HTR2C: variants seen among roughly 807,000 people sequenced by gnomAD.
The protein encoded by HTR2C is 5-hydroxytryptamine receptor 2C.
A neutral mutation model predicts 21.0 loss-of-function variants in HTR2C; 5 were observed. That is an observed-to-expected ratio of 0.24 (90% CI 0.12 to 0.50). The LOEUF (loss-of-function observed/expected upper bound fraction) is 0.50. Among genes scored for constraint, HTR2C ranks in the 20% least tolerant of loss-of-function variants. The pLI is 0.98. For synonymous variants in HTR2C, 150 were observed against 145.3 expected (o/e 1.03, Z -0.23); for missense variants, 271 against 371.2 (o/e 0.73, Z 2.22).
chrX:114,826,057 T>C (rs1377315097), intron 4 of HTR2C, among the ~76,000 whole-genome samples: 5 of 102,428 alleles, frequency 4.9e-5, no homozygotes, highest in African/African-American at 1.8e-4. Flanking sequence ...AAATCTGAAA[T>C]CTGAAATAAT....
intron 4 of HTR2C, among the ~76,000 whole-genome samples, chrX:114,791,916 A>G (rs1200513333): frequency 9.0e-6 from 1 of 111,220 alleles, no homozygotes; most frequent in Non-Finnish European, 1.9e-5. Context: ...TTAGATGGCC[A>G]TTTTCATTCA....
intron 2 of HTR2C, among the ~76,000 whole-genome samples, chrX:114,679,982 A>T (rs1931692604): frequency 9.0e-6 from 1 of 111,488 alleles, no homozygotes; most frequent in East Asian, 2.8e-4. Context: ...TCTGCATATT[A>T]CAAACTATAC....
At chrX:114,743,274 T>G (rs2069669819) in intron 4 of HTR2C, among the ~76,000 whole-genome samples, 1 of 108,318 alleles carries the variant, frequency 9.2e-6, no homozygotes, top group East Asian at 2.9e-4. Context: ...CAAATGGTAT[T>G]TCTAGTTCTA....
chrX:114,640,102 CAT>C (rs1484772887), intron 2 of HTR2C, among the ~76,000 whole-genome samples: 1 of 111,251 alleles, frequency 9.0e-6, no homozygotes, highest in Non-Finnish European at 1.9e-5. Flanking sequence ...TTGTTCGACA[CAT>C]ATTTATATAA....
intron 4 of HTR2C, among the ~76,000 whole-genome samples, chrX:114,822,091 C>T (rs781942415): frequency 9.0e-6 from 1 of 110,633 alleles, no homozygotes; most frequent in Non-Finnish European, 1.9e-5. Flanking sequence ...AGGTGATCCA[C>T]CCACTTTGGC....
At chrX:114,657,235 A>G (rs1037765847) in intron 2 of HTR2C, among the ~76,000 whole-genome samples, 10 of 111,066 alleles carry the variant, frequency 9.0e-5, no homozygotes, top group Non-Finnish European at 1.9e-4. Flanking sequence ...TTCCAAAATA[A>G]TGATGAAATG....
rs1927309460 is a variant in HTR2C at position 114,584,582 on chromosome X, G to C, written c.-224G>C. 1 of 113,005 alleles carries C rather than the reference G, an allele frequency of 8.8e-6. No homozygotes were observed. Among genetic ancestry groups the C allele is most frequent in the Non-Finnish European group, 1.9e-5 (1 of 53,322 alleles). The allele number at this position is 113,005 out of a possible 1,213,427, so 9.3% of individuals were successfully genotyped here. A position where few individuals can be genotyped will look rare whatever the true frequency, so the allele number is the denominator to read the frequency against. On this transcript the variant is annotated 5_prime_UTR_variant, in exon 1 of 6. Transcript: ENST00000276198. ...CACCGACTGCCGCGGGCTCCGCTGG[G>C]CGATTGCAGCCGAGTCCGTTTCTCG...
chrX:114,818,783 G>A (rs1467029828), intron 4 of HTR2C, among the ~76,000 whole-genome samples: 1 of 111,959 alleles, frequency 8.9e-6, no homozygotes, highest in East Asian at 2.8e-4. Flanking sequence ...GAGTTGAGTA[G>A]TTGCAATGAA....
At chrX:114,763,472 A>G (rs1165203587) in intron 4 of HTR2C, among the ~76,000 whole-genome samples, 1 of 111,838 alleles carries the variant, frequency 8.9e-6, no homozygotes, top group Non-Finnish European at 1.9e-5. Context: ...TTGAAAAAGC[A>G]ATACTTGTCC....
Position 114,701,664 on chromosome X carries a change from C to T in HTR2C, c.-79-25194C>T, listed in dbSNP as rs183933375. Among the ~76,000 whole-genome samples, 660 of 112,345 alleles carry T rather than the reference C, an allele frequency of 5.9e-3. 7 individuals carry two copies. Among genetic ancestry groups the T allele is most frequent in the African/African-American group, 0.02 (621 of 30,926 alleles). On this transcript the variant is annotated intron_variant, in intron 2 of 5. Coordinates refer to ENST00000276198, the MANE Select transcript of HTR2C (RefSeq NM_000868.4). ...TAAAAAGCAGAGCACCTCTCCTCAT[C>T]CAAAGGAACGCAGTTCCTCACCAGC...
chrX:114,774,523 G>A (rs1176550450), intron 4 of HTR2C, among the ~76,000 whole-genome samples: 2 of 111,950 alleles, frequency 1.8e-5, no homozygotes, highest in African/African-American at 6.5e-5. Flanking sequence ...TATACAAAAT[G>A]TAAGTGCTTA....
chrX:114,783,854 T>G (rs1031437981), intron 4 of HTR2C, among the ~76,000 whole-genome samples: 6 of 111,472 alleles, frequency 5.4e-5, no homozygotes, highest in Admixed American at 9.6e-5. Context: ...AAAATCATAT[T>G]GAAAATTAGA....
chrX:114,655,186 A>G (rs782615405), intron 2 of HTR2C, among the ~76,000 whole-genome samples: 4 of 111,128 alleles, frequency 3.6e-5, no homozygotes, highest in Admixed American at 9.6e-5. Context: ...TTAGGTGACA[A>G]TGCTGAAGAT....
intron 2 of HTR2C, among the ~76,000 whole-genome samples, chrX:114,696,860 A>G (rs1382903118): frequency 9.0e-6 from 1 of 111,306 alleles, no homozygotes; most frequent in Non-Finnish European, 1.9e-5. Context: ...AAAGAAAATA[A>G]TGCTCATAGT....
chrX:114,713,955 T>C (rs1224086567), intron 2 of HTR2C, among the ~76,000 whole-genome samples: 1 of 111,658 alleles, frequency 9.0e-6, no homozygotes, highest in Non-Finnish European at 1.9e-5. Flanking sequence ...ATTTTATAAA[T>C]TGAGTTGTAC....
At chrX:114,784,274 TAACAA>T (rs1244367254) in intron 4 of HTR2C, among the ~76,000 whole-genome samples, 1 of 110,284 alleles carries the variant, frequency 9.1e-6, no homozygotes, top group South Asian at 3.8e-4. Flanking sequence ...TAAATTAACA[TAACAA>T]AAGGATATTA....
intron 5 of HTR2C, among the ~76,000 whole-genome samples, chrX:114,897,979 C>T (rs190222973): frequency 3.6e-5 from 4 of 112,455 alleles, no homozygotes; most frequent in Non-Finnish European, 3.8e-5. Flanking sequence ...AAGGAATCAC[C>T]ACACTGTCTT....
rs1256258130 is a variant in HTR2C at position 114,584,382 on chromosome X, C to T, written c.-424C>T. On this transcript the variant is annotated 5_prime_UTR_variant, in exon 1 of 6. Transcript: ENST00000276198. ...TTAGTGCAGAGATGCTGGAGGTGGT[C>T]AGTTACTAAGCTAGAGTAAGATAGC... is the stretch of plus-strand genomic sequence containing the variant. 8.8e-6 allele frequency: 1 copy of T among 113,069 alleles called. No individual in the cohort carries two copies. The highest frequency in any genetic ancestry group is 2.8e-4 in the East Asian group (1 of 3,540). The allele number at this position is 113,069 out of a possible 1,213,427, so 9.3% of individuals were successfully genotyped here. A position where few individuals can be genotyped will look rare whatever the true frequency, so the allele number is the denominator to read the frequency against.
intron 2 of HTR2C, among the ~76,000 whole-genome samples, chrX:114,643,188 T>G (rs1930204517): frequency 9.0e-6 from 1 of 110,842 alleles, no homozygotes; most frequent in Non-Finnish European, 1.9e-5. Context: ...CTTTGCAGAT[T>G]ACAGAGCATT....
Sources: allele counts gnomAD v4.1 joint callset (sites outside exome capture counted in the v4.1 genomes callset), GRCh38; gene constraint gnomAD v4.1.1; transcripts MANE v1.5; gene names NCBI Gene and HGNC (gene_info 2026-07-23, HGNC 2026-07-21).